CSMD1: variants seen among roughly 807,000 people sequenced by gnomAD.
CSMD1 encodes the protein CUB and Sushi multiple domains 1.
A neutral mutation model predicts 417.5 loss-of-function variants in CSMD1; 213 were observed. The observed-to-expected ratio is 0.51, with a 90% confidence interval of 0.46 to 0.57. The LOEUF (loss-of-function observed/expected upper bound fraction) is 0.57. Ranked by LOEUF, CSMD1 falls within the 20% of genes least tolerant of loss-of-function variation. CSMD1 has a pLI of 0.00. For synonymous variants in CSMD1, 2,862 were observed against 1,736.8 expected (o/e 1.65, Z -16.11); for missense variants, 6,923 against 4,529.7 (o/e 1.53, Z -15.17).
intron 69 of CSMD1, among the ~76,000 whole-genome samples, chr8:2,941,471 T>G (rs1210439789): frequency 6.6e-6 from 1 of 152,236 alleles, no homozygotes; most frequent in Non-Finnish European, 1.5e-5. Context: ...TAGTTAATGC[T>G]ACCATTTCAA....
chr8:3,439,123 A>G (rs1185272654), intron 12 of CSMD1, among the ~76,000 whole-genome samples: 2 of 57,492 alleles, frequency 3.5e-5, no homozygotes, highest in African/African-American at 1.6e-4. Flanking sequence ...ACTCCATCTC[A>G]AAAAAAAAAA....
chr8:3,255,860 C>T (rs1180197515), intron 26 of CSMD1, among the ~76,000 whole-genome samples: 2 of 152,150 alleles, frequency 1.3e-5, no homozygotes, highest in Non-Finnish European at 2.9e-5. Context: ...ACTTGGTGTG[C>T]TGCACCCACT....
At chr8:4,003,908 A>G (rs1306170730) in intron 4 of CSMD1, among the ~76,000 whole-genome samples, 2 of 150,944 alleles carry the variant, frequency 1.3e-5, no homozygotes, top group East Asian at 1.9e-4. Context: ...CACAGCTACC[A>G]AAAGAGAAAT....
chr8:3,542,613 C>G (rs146333041), intron 10 of CSMD1, among the ~76,000 whole-genome samples: 1 of 152,250 alleles, frequency 6.6e-6, no homozygotes, highest in African/African-American at 2.4e-5. Flanking sequence ...TCCTTGAATT[C>G]TATGCTGTAT....
At chr8:4,467,908 G>C (rs779055438) in intron 2 of CSMD1, among the ~76,000 whole-genome samples, 1 of 152,134 alleles carries the variant, frequency 6.6e-6, no homozygotes, top group Non-Finnish European at 1.5e-5. Flanking sequence ...ACTGGTTTTT[G>C]GGATCCAAAC....
chr8:3,141,658 C>A (rs1482761907), intron 41 of CSMD1, among the ~76,000 whole-genome samples: 1 of 152,080 alleles, frequency 6.6e-6, no homozygotes, highest in African/African-American at 2.4e-5. Flanking sequence ...CCACCCAAAC[C>A]GGTAATCTGG....
intron 41 of CSMD1, chr8:3,128,701 T>C (rs1223315274): frequency 2.8e-5 from 10 of 354,548 alleles, no homozygotes; most frequent in Non-Finnish European, 4.9e-5. Context: ...GAAAATAAAA[T>C]AGCTCAAATT....
intron 7 of CSMD1, among the ~76,000 whole-genome samples, chr8:3,625,231 A>C (rs891150586): frequency 6.6e-6 from 1 of 152,200 alleles, no homozygotes; most frequent in African/African-American, 2.4e-5. Flanking sequence ...TTATCGGAGC[A>C]ACATTAGAAG....
chr8:3,341,740 G>C (rs1186325958), intron 23 of CSMD1, among the ~76,000 whole-genome samples: 1 of 152,136 alleles, frequency 6.6e-6, no homozygotes, highest in African/African-American at 2.4e-5. Flanking sequence ...AACGCCGTAG[G>C]TGTGCATGGA....
chr8:3,440,774 T>G (rs796135848), intron 12 of CSMD1, among the ~76,000 whole-genome samples: 2 of 152,280 alleles, frequency 1.3e-5, no homozygotes, highest in African/African-American at 2.4e-5. Flanking sequence ...TCTAAGTGTT[T>G]TTTTGTTTTG....
chr8:4,570,076 G>T (rs1277964261), intron 2 of CSMD1, among the ~76,000 whole-genome samples: 1 of 152,044 alleles, frequency 6.6e-6, no homozygotes, highest in East Asian at 1.9e-4. Context: ...CAATCACGTC[G>T]TCTGCAAACA....
intron 2 of CSMD1, among the ~76,000 whole-genome samples, chr8:4,607,068 T>A (rs1585321871): frequency 6.6e-6 from 1 of 152,340 alleles, no homozygotes; most frequent in East Asian, 1.9e-4. Flanking sequence ...ATTATTTTTA[T>A]TCATTCATAT....
At chr8:4,456,522 T>C (rs1197623907) in intron 2 of CSMD1, among the ~76,000 whole-genome samples, 3 of 152,184 alleles carry the variant, frequency 2.0e-5, no homozygotes, top group Admixed American at 6.5e-5. Flanking sequence ...ATGTTTATAG[T>C]GTTGGCACTT....
chr8:4,838,415 T>C (rs968826803), intron 1 of CSMD1, among the ~76,000 whole-genome samples: 11 of 152,206 alleles, frequency 7.2e-5, no homozygotes, highest in African/African-American at 2.2e-4. Context: ...ATTTGTTCTA[T>C]GGTAATTAAG....
intron 10 of CSMD1, among the ~76,000 whole-genome samples, chr8:3,507,760 G>A (rs373302248): frequency 1.3e-5 from 2 of 152,286 alleles, no homozygotes; most frequent in African/African-American, 4.8e-5. Flanking sequence ...GGCCAGTGAT[G>A]ATGAGCATTT....
intron 3 of CSMD1, among the ~76,000 whole-genome samples, chr8:4,045,870 T>C (rs1169212238): frequency 1.3e-5 from 2 of 152,152 alleles, no homozygotes; most frequent in Admixed American, 6.5e-5. Context: ...TTATTTTTTT[T>C]TTAATTAGAG....
intron 7 of CSMD1, among the ~76,000 whole-genome samples, chr8:3,652,171 C>T (rs974717449): frequency 5.4e-5 from 8 of 149,220 alleles, no homozygotes; most frequent in Non-Finnish European, 8.9e-5. Context: ...GAGCGCTTAC[C>T]ACCATCAGAA....
rs537892770 is a variant in CSMD1, at chr8:4,422,736, G to C, written c.303-2671C>G. ...CAAAACCAGATAAACACAGAAAAAA[G>C]AAAAATAAAATAATGTCTCTCATGC... On this transcript the variant is annotated intron_variant, in intron 2 of 69. Coordinates refer to ENST00000635120, the MANE Select transcript of CSMD1 (RefSeq NM_033225.6). Among the ~76,000 whole-genome samples, 15 of 151,986 alleles carry C rather than the reference G, an allele frequency of 9.9e-5. No homozygotes were observed. In the South Asian group the frequency reaches 2.9e-3, roughly 29 times the overall value.
chr8:4,675,202 G>C (rs1308830691), intron 1 of CSMD1, among the ~76,000 whole-genome samples: 1 of 152,190 alleles, frequency 6.6e-6, no homozygotes, highest in Non-Finnish European at 1.5e-5. Flanking sequence ...ACCTGTTCTA[G>C]TGAACAATTC....
Sources: gnomAD v4.1 joint callset for allele counts (sites outside exome capture counted in the v4.1 genomes callset) on GRCh38, gnomAD v4.1.1 for gene constraint, MANE v1.5 for transcripts, NCBI Gene and HGNC (gene_info 2026-07-23, HGNC 2026-07-21) for gene names.